Variants in IGFL2 observed in about 807,000 individuals in gnomAD.
IGFL2 encodes the protein IGF like family member 2.
IGFL2 carries 7 observed loss-of-function variants against 13.9 expected under a neutral mutation model. That is an observed-to-expected ratio of 0.51 (90% CI 0.29 to 0.95). The LOEUF (loss-of-function observed/expected upper bound fraction) is 0.95. IGFL2 is among the 40% of genes least tolerant of loss of function. IGFL2 has a pLI of 0.08. For missense variants in IGFL2, 138 were observed against 147.8 expected (o/e 0.93, Z 0.34); for synonymous variants, 55 against 55.8 (o/e 0.99, Z 0.07).
At chr19:46,106,718 G>C in the IGFL2 span, among the ~76,000 whole-genome samples, 1 of 152,158 alleles carries the variant, frequency 6.6e-6, no homozygotes, top group Non-Finnish European at 1.5e-5. Flanking sequence ...AGGAGAGTTT[G>C]TAGGCTTTAA....
chr19:46,131,296 A>G, the IGFL2 span, among the ~76,000 whole-genome samples: 1 of 152,184 alleles, frequency 6.6e-6, no homozygotes, highest in Non-Finnish European at 1.5e-5. Flanking sequence ...GTTCATTTAC[A>G]GTAGCTTTGT....
At chr19:46,121,285 G>A in the IGFL2 span, among the ~76,000 whole-genome samples, 2 of 149,422 alleles carry the variant, frequency 1.3e-5, no homozygotes, top group East Asian at 4.0e-4. Flanking sequence ...CTACTCAGGA[G>A]ACCGAGGTAG....
At chr19:46,080,445 A>C in the IGFL2 span, among the ~76,000 whole-genome samples, 1 of 152,250 alleles carries the variant, frequency 6.6e-6, no homozygotes, top group Non-Finnish European at 1.5e-5. Flanking sequence ...AACGACAGCT[A>C]CTTAGTAATT....
chr19:46,092,303 G>A, the IGFL2 span, among the ~76,000 whole-genome samples: 138 of 152,026 alleles, frequency 9.1e-4, 2 homozygotes, highest in East Asian at 0.023. Context: ...GGGACTACAG[G>A]CACACAGCAC....
the IGFL2 span, among the ~76,000 whole-genome samples, chr19:46,172,957 G>C: frequency 6.6e-6 from 1 of 152,104 alleles, no homozygotes; most frequent in African/African-American, 2.4e-5. Flanking sequence ...TGTAATATAG[G>C]TTTATATTGG....
the IGFL2 span, among the ~76,000 whole-genome samples, chr19:46,128,773 G>T: frequency 2.3e-4 from 35 of 152,238 alleles, no homozygotes; most frequent in African/African-American, 4.3e-4. Context: ...TTTTTGCATT[G>T]ATGTTCATCA....
At chr19:46,182,222 C>T in the IGFL2 span, among the ~76,000 whole-genome samples, 2 of 151,880 alleles carry the variant, frequency 1.3e-5, no homozygotes, top group East Asian at 3.9e-4. Flanking sequence ...CAAAAATTAG[C>T]CGGGCTTGGT....
chr19:46,157,425 C>T (rs1973885259), intron 1 of IGFL2, among the ~76,000 whole-genome samples: 1 of 152,164 alleles, frequency 6.6e-6, no homozygotes, highest in Non-Finnish European at 1.5e-5. Flanking sequence ...AATACTTACA[C>T]ATCATGCCTA....
the IGFL2 span, among the ~76,000 whole-genome samples, chr19:46,186,564 C>T: frequency 6.6e-6 from 1 of 152,210 alleles, no homozygotes; most frequent in Non-Finnish European, 1.5e-5. Context: ...ACAAGTTTAT[C>T]AAAGCCCAGC....
At chr19:46,083,842 A>G in the IGFL2 span, among the ~76,000 whole-genome samples, 1 of 152,172 alleles carries the variant, frequency 6.6e-6, no homozygotes, top group African/African-American at 2.4e-5. Context: ...CCCTGGAACA[A>G]AGTCCTCTGA....
At chr19:46,113,377 A>G in the IGFL2 span, 2 of 366,574 alleles carry the variant, frequency 5.5e-6, no homozygotes, top group Non-Finnish European at 1.1e-5. Context: ...GCACTAATAA[A>G]AACAGGAAAG....
chr19:46,162,214 C>A (rs947760674), downstream of IGFL2, among the ~76,000 whole-genome samples: 7 of 152,118 alleles, frequency 4.6e-5, no homozygotes, highest in African/African-American at 1.7e-4. Flanking sequence ...GCTCTAGGTG[C>A]CTTTAACATT....
chr19:46,131,576 A>C, the IGFL2 span, among the ~76,000 whole-genome samples: 1 of 152,334 alleles, frequency 6.6e-6, no homozygotes, highest in East Asian at 1.9e-4. Flanking sequence ...GTTTGCTGTC[A>C]ACACCCATTT....
the IGFL2 span, among the ~76,000 whole-genome samples, chr19:46,095,305 T>C: frequency 6.6e-6 from 1 of 152,234 alleles, no homozygotes; most frequent in Non-Finnish European, 1.5e-5. Flanking sequence ...TTCCATATGT[T>C]TGTGTGTCAC....
At chr19:46,194,747 C>T in the IGFL2 span, among the ~76,000 whole-genome samples, 2 of 150,260 alleles carry the variant, frequency 1.3e-5, no homozygotes, top group East Asian at 1.9e-4. Context: ...ACTTGAACCC[C>T]GGGAAGCAGA....
the IGFL2 span, among the ~76,000 whole-genome samples, chr19:46,168,002 TATG>T: frequency 6.6e-6 from 1 of 152,240 alleles, no homozygotes; most frequent in Non-Finnish European, 1.5e-5. Flanking sequence ...AGTGTCCTAC[TATG>T]ATATCTTAAT....
the IGFL2 span, chr19:46,212,569 C>T: frequency 6.6e-6 from 1 of 152,176 alleles, no homozygotes; most frequent in Non-Finnish European, 1.5e-5. Flanking sequence ...CACACCCGAC[C>T]CTCTGAAAAA....
the IGFL2 span, among the ~76,000 whole-genome samples, chr19:46,123,386 G>A: frequency 1.3e-5 from 2 of 150,710 alleles, no homozygotes; most frequent in African/African-American, 2.5e-5. Context: ...CAGAATCATG[G>A]ACACTTCATA....
chr19:46,160,073 C>A, intron 1 of IGFL2: 1 of 311,178 alleles, frequency 3.2e-6, no homozygotes, highest in South Asian at 4.2e-5. Flanking sequence ...ACTCAGCTTC[C>A]TTCCTCCTTC....
Sources: allele counts gnomAD v4.1 joint callset (sites outside exome capture counted in the v4.1 genomes callset), GRCh38; gene constraint gnomAD v4.1.1; transcripts MANE v1.5; gene names NCBI Gene and HGNC (gene_info 2026-07-23, HGNC 2026-07-21).